TMOD3: variants seen among roughly 807,000 people sequenced by gnomAD.
TMOD3 encodes tropomodulin-3.
In TMOD3, 20 loss-of-function variants were observed where a neutral mutation model predicts 39.2. The ratio of observed to expected loss-of-function variants is 0.51; its 90% CI spans 0.36 to 0.74. The LOEUF is 0.74. TMOD3 is among the 30% of genes least tolerant of loss of function. TMOD3 has a pLI of 0.00. For synonymous variants in TMOD3, 143 were observed against 145.8 expected, an observed-to-expected ratio of 0.98 and a Z score of 0.14; for missense variants, 381 against 412.8, an observed-to-expected ratio of 0.92 and a Z score of 0.67.
At chr15:51,861,233 C>T (rs1461291390) in intron 1 of TMOD3, 3 of 422,906 alleles carry the variant, frequency 7.1e-6, no homozygotes, top group Non-Finnish European at 1.4e-5. Context: ...GTCCAATGTG[C>T]TCTAGCTGTT....
At chr15:51,903,102 G>A (rs1276932420) in intron 9 of TMOD3, among the ~76,000 whole-genome samples, 4 of 152,178 alleles carry the variant, frequency 2.6e-5, no homozygotes, top group Admixed American at 2.0e-4. Context: ...AGGTTTTATA[G>A]TCTGGTATGT....
intron 5 of TMOD3, among the ~76,000 whole-genome samples, chr15:51,893,181 G>A (rs111281417): frequency 0.015 from 2,308 of 149,868 alleles, 67 homozygotes; most frequent in East Asian, 0.076. Flanking sequence ...TGTATTCCCA[G>A]CTACTTGGGA....
intron 1 of TMOD3, among the ~76,000 whole-genome samples, chr15:51,833,725 T>C (rs1293013843): frequency 6.6e-6 from 1 of 152,240 alleles, no homozygotes; most frequent in East Asian, 1.9e-4. Flanking sequence ...AGTATTCCAT[T>C]GTATGAATGT....
At chr15:51,905,905 C>T (rs140587791) in intron 9 of TMOD3, among the ~76,000 whole-genome samples, 1,816 of 131,862 alleles carry the variant, frequency 0.014, 62 homozygotes, top group African/African-American at 0.052. Context: ...GATTGCGCCA[C>T]TGCAGTCCGC....
intron 2 of TMOD3, among the ~76,000 whole-genome samples, chr15:51,864,142 G>A (rs958748001): frequency 2.0e-5 from 3 of 151,830 alleles, no homozygotes; most frequent in African/African-American, 7.3e-5. Flanking sequence ...GTGCACGCAT[G>A]TAGCCCCAGG....
chr15:51,857,587 G>A (rs77834025), intron 1 of TMOD3, among the ~76,000 whole-genome samples: 5,542 of 152,002 alleles, frequency 0.036, 133 homozygotes, highest in Non-Finnish European at 0.05. Flanking sequence ...AATGATCATT[G>A]AATTTATGAC....
chr15:51,864,612 C>G (rs1566857797), intron 2 of TMOD3, among the ~76,000 whole-genome samples: 3 of 152,094 alleles, frequency 2.0e-5, no homozygotes, highest in Admixed American at 1.3e-4. Flanking sequence ...GCAAAAGGAT[C>G]AAGGAACAAG....
chr15:51,863,598 A>G (rs963451509), intron 2 of TMOD3, among the ~76,000 whole-genome samples: 2 of 152,208 alleles, frequency 1.3e-5, no homozygotes, highest in Non-Finnish European at 2.9e-5. Context: ...CAAGGCTAAG[A>G]TAGACACCCA....
At chr15:51,871,828 A>G (rs996282579) in intron 3 of TMOD3, among the ~76,000 whole-genome samples, 2 of 152,236 alleles carry the variant, frequency 1.3e-5, no homozygotes, top group African/African-American at 4.8e-5. Flanking sequence ...TTTAGGTTTT[A>G]GATGGGTAAG....
At position 51,894,103 on chromosome 15, in the gene TMOD3, T is replaced by C. The variant is rs960444566; in HGVS notation, c.627+158T>C. Reference sequence around the variant, plus strand: ...CATAGGTTTCTTCATATTTTAGATATTGAAGTATTATGGTATAGTATTTTC... The same window carrying C: ...CATAGGTTTCTTCATATTTTAGATACTGAAGTATTATGGTATAGTATTTTC... On this transcript the variant is annotated intron_variant, in intron 6 of 9. Transcript: ENST00000308580. Among the ~76,000 whole-genome samples the C allele has an allele frequency of 4.6e-5, 7 of 152,256 alleles. 1 individual carries two copies. In the East Asian group the frequency reaches 5.8e-4, roughly 13 times the overall value.
chr15:51,848,062 GAATC>G (rs1443708036), intron 1 of TMOD3, among the ~76,000 whole-genome samples: 1 of 152,156 alleles, frequency 6.6e-6, no homozygotes, highest in East Asian at 1.9e-4. Context: ...CTCCATCTGT[GAATC>G]AGAAAGTGGG....
At chr15:51,896,565 C>T in intron 7 of TMOD3, 39 bp downstream of exon 7, 4 of 1,475,556 alleles carry the variant, frequency 2.7e-6, no homozygotes, top group South Asian at 1.2e-5. Context: ...TTATGACATG[C>T]CCAGGGTGTG....
chr15:51,864,847 G>A (rs1378218494), intron 2 of TMOD3, among the ~76,000 whole-genome samples: 1 of 152,118 alleles, frequency 6.6e-6, no homozygotes, highest in Admixed American at 6.5e-5. Flanking sequence ...TAGGAGAATT[G>A]GTTGGTTTGC....
intron 3 of TMOD3, 117 bp downstream of exon 3, chr15:51,869,490 T>C (rs2141689658): frequency 1.1e-6 from 1 of 933,702 alleles, no homozygotes; most frequent in South Asian, 1.6e-5. Flanking sequence ...AAATATATGA[T>C]ACTGTTGACT....
At chr15:51,887,486 T>A in intron 3 of TMOD3, 103 bp from the exon 4 acceptor site, 1 of 1,198,620 alleles carries the variant, frequency 8.3e-7, no homozygotes, top group Non-Finnish European at 1.2e-6. Context: ...TCGATGTTAA[T>A]CTTTTCCTTC....
At chr15:51,884,069 A>T (rs1442529962) in intron 3 of TMOD3, among the ~76,000 whole-genome samples, 1 of 152,252 alleles carries the variant, frequency 6.6e-6, no homozygotes, top group African/African-American at 2.4e-5. Context: ...TCTGTTGCTA[A>T]AATAAATCAA....
intron 1 of TMOD3, among the ~76,000 whole-genome samples, chr15:51,853,868 C>T (rs962592674): frequency 1.3e-5 from 2 of 150,784 alleles, no homozygotes; most frequent in Admixed American, 6.6e-5. Flanking sequence ...AGAATGGAGA[C>T]CAGGGAAATT....
At chr15:51,834,772 AGTT>A (rs1358267492) in intron 1 of TMOD3, among the ~76,000 whole-genome samples, 1 of 152,158 alleles carries the variant, frequency 6.6e-6, no homozygotes, top group Non-Finnish European at 1.5e-5. Flanking sequence ...GGCTACAGTG[AGTT>A]GTTATCATGC....
chr15:51,882,899 C>T (rs561357856), intron 3 of TMOD3, among the ~76,000 whole-genome samples: 3 of 152,152 alleles, frequency 2.0e-5, no homozygotes, highest in East Asian at 3.9e-4. Context: ...GTTCTGTATT[C>T]GTAATGCTAA....
Sources: gnomAD v4.1 joint callset for allele counts (sites outside exome capture counted in the v4.1 genomes callset) on GRCh38, gnomAD v4.1.1 for gene constraint, MANE v1.5 for transcripts, NCBI Gene and HGNC (gene_info 2026-07-23, HGNC 2026-07-21) for gene names.